Variants in IL31RA observed in about 807,000 individuals in gnomAD.
IL31RA encodes interleukin 31 receptor A, also known as interleukin-31 receptor subunit alpha.
Under a neutral mutation model 83.7 loss-of-function variants are expected in IL31RA, and 66 were observed. That is an observed-to-expected ratio of 0.79 (90% CI 0.65 to 0.97). IL31RA has a LOEUF of 0.97. Among genes scored for constraint, IL31RA ranks in the 50% least tolerant of loss-of-function variants. The probability of loss-of-function intolerance (pLI) is 0.00; values close to 1 mark genes in which losing one functional copy is unlikely to be tolerated. For missense variants in IL31RA, 798 were observed against 919.4 expected, an observed-to-expected ratio of 0.87 and a Z score of 1.71; for synonymous variants, 325 against 329.0, an observed-to-expected ratio of 0.99 and a Z score of 0.13.
chr5:55,853,361 A>G, intron 1 of IL31RA: 1 of 1,318,284 alleles, frequency 7.6e-7, no homozygotes, highest in Non-Finnish European at 9.7e-7. Context: ...TAAGTGGGTA[A>G]GTGCCACTTT....
chr5:55,859,636 T>A, intron 2 of IL31RA, 37 bp downstream of exon 2: 1 of 1,336,460 alleles, frequency 7.5e-7, no homozygotes, highest in Non-Finnish European at 1.1e-6. Context: ...ATCATGTGAT[T>A]ATTATTGCCT....
At chr5:55,887,716 C>G (rs1747716271) in intron 5 of IL31RA, among the ~76,000 whole-genome samples, 1 of 152,084 alleles carries the variant, frequency 6.6e-6, no homozygotes, top group African/African-American at 2.4e-5. Flanking sequence ...GAAACCCCGT[C>G]CCTCTAAAAA....
intron 7 of IL31RA, among the ~76,000 whole-genome samples, chr5:55,898,862 A>G (rs532609060): frequency 6.6e-6 from 1 of 152,168 alleles, no homozygotes; most frequent in African/African-American, 2.4e-5. Context: ...TGTCTCTACT[A>G]AAAATACAAA....
In IL31RA at chr5:55,851,404, C is replaced by T; in HGVS notation, c.-167C>T. The T allele has an allele frequency of 8.3e-7, 1 of 1,201,898 alleles. No homozygotes were observed. Among genetic ancestry groups the T allele is most frequent in the Non-Finnish European group, 1.2e-6 (1 of 845,298 alleles). The allele number at this position is 1,201,898 out of a possible 1,614,324, so 74.5% of individuals were successfully genotyped here. On this transcript the variant is annotated 5_prime_UTR_variant, in exon 1 of 15. Transcript: ENST00000652347. The stretch of plus-strand genomic sequence containing the variant: ...CACCAGACAGCACTCCAGCACTCTG[C>T]TTGGGGGGCATTCGAAACAGCAAAA...
rs1750142781 is a variant in IL31RA, at chr5:55,922,547, G to A, written c.*5427G>A. 2.3e-6 allele frequency: 2 copies of A among 856,170 alleles called. No homozygotes were observed. Among genetic ancestry groups the A allele is most frequent in the Admixed American group, 4.6e-5 (2 of 43,772 alleles). 53.0% of individuals were successfully genotyped at this position (856,170 alleles called of 1,614,324 possible). On this transcript the variant is annotated 3_prime_UTR_variant, in exon 15 of 15. Transcript: ENST00000652347. Reference sequence around the variant, plus strand: ...TGGCCCCAAGAGAACCATCTCTGAAGACTGGGTATGTGGTCTTTTCCACAC... The same window carrying A: ...TGGCCCCAAGAGAACCATCTCTGAAAACTGGGTATGTGGTCTTTTCCACAC...
chr5:55,862,658 T>G (rs1467277208), intron 2 of IL31RA, among the ~76,000 whole-genome samples: 1 of 152,194 alleles, frequency 6.6e-6, no homozygotes, highest in Admixed American at 6.5e-5. Context: ...CCGCCCATCT[T>G]GGCCTCCCAA....
chr5:55,900,252 C>A (rs1176734243), intron 8 of IL31RA, 120 bp downstream of exon 8: 6 of 769,458 alleles, frequency 7.8e-6, no homozygotes, highest in East Asian at 7.5e-5. Context: ...GAGTGGGAAC[C>A]TTTTAGGTTG....
In IL31RA at chr5:55,851,595, T is replaced by C; in HGVS notation, c.25T>C (p.Phe9Leu). Reference sequence around the variant, plus strand: ...AATGTGCATCAGGCAACTCAAGTTTTTCACCACGGCATGTGTCTGTGAATG... The same window carrying C: ...AATGTGCATCAGGCAACTCAAGTTTCTCACCACGGCATGTGTCTGTGAATG... MCIRQLKFFTTACVCECPQ... is the reference protein window; with the variant it reads MCIRQLKFLTTACVCECPQ... The change falls in exon 1 of 15, where the codon TTC (phenylalanine) becomes CTC (leucine). Residue 9 changes from phenylalanine to leucine, a missense_variant. Phe to Leu is a conservative substitution (Grantham distance 22, BLOSUM62 0). Coordinates refer to ENST00000652347, the MANE Select transcript of IL31RA (RefSeq NM_139017.7). 1 of 1,613,982 alleles carries C rather than the reference T, an allele frequency of 6.2e-7. No individual in the cohort carries two copies. Among genetic ancestry groups the C allele is most frequent in the South Asian group, 1.1e-5 (1 of 91,078 alleles).
chr5:55,902,381 T>G (rs1748876241), intron 8 of IL31RA: 1 of 151,262 alleles, frequency 6.6e-6, no homozygotes, highest in Non-Finnish European at 1.5e-5. Context: ...ATCCCAGCAC[T>G]TTGAGGCCAA....
upstream of IL31RA, among the ~76,000 whole-genome samples, chr5:55,847,808 T>C (rs1273985802): frequency 6.6e-6 from 1 of 152,246 alleles, no homozygotes; most frequent in Non-Finnish European, 1.5e-5. Context: ...CCATATTACA[T>C]TGAGTCATCA....
intron 2 of IL31RA, among the ~76,000 whole-genome samples, chr5:55,867,585 A>C (rs1746268158): frequency 6.6e-6 from 1 of 152,174 alleles, no homozygotes; most frequent in African/African-American, 2.4e-5. Flanking sequence ...TAGGTCTAAT[A>C]TTAATAATTA....
At chr5:55,847,244 A>AAATAAAT (rs1554083151), upstream of IL31RA, among the ~76,000 whole-genome samples, 4 of 61,158 alleles carry the variant, frequency 6.5e-5, no homozygotes, top group African/African-American at 2.4e-4. Flanking sequence ...AAAAAAAATA[A>AAATAAAT]AAATAAATAA....
chr5:55,863,187 A>C (rs1405050583), intron 2 of IL31RA, among the ~76,000 whole-genome samples: 2 of 152,192 alleles, frequency 1.3e-5, no homozygotes, highest in Non-Finnish European at 2.9e-5. Flanking sequence ...TCAACCCCCT[A>C]ATCTGTGATA....
At chr5:55,897,376 G>A (rs1748469387) in intron 7 of IL31RA, among the ~76,000 whole-genome samples, 1 of 151,884 alleles carries the variant, frequency 6.6e-6, no homozygotes, top group Non-Finnish European at 1.5e-5. Context: ...TAACATTCGG[G>A]GTGGGTAGAA....
chr5:55,848,633 A>G (rs899368623), upstream of IL31RA, among the ~76,000 whole-genome samples: 1 of 152,184 alleles, frequency 6.6e-6, no homozygotes, highest in African/African-American at 2.4e-5. Flanking sequence ...ACCATCCTTG[A>G]TGTTATATCT....
At chr5:55,900,210 G>A in intron 8 of IL31RA, 78 bp downstream of exon 8, 1 of 1,044,744 alleles carries the variant, frequency 9.6e-7, no homozygotes, top group Non-Finnish European at 1.5e-6. Context: ...GCTCTCAAGG[G>A]TGGCTGTTTC....
chr5:55,921,704 A>G lies in IL31RA; in HGVS notation c.*4584A>G, dbSNP rs934922314. On this transcript the variant is annotated 3_prime_UTR_variant, in exon 15 of 15. Transcript: ENST00000652347. ...TATCGGGAATAGTTAATGAAACTTT[A>G]TAGTTATTTGTGTTGCTTTAATCCT... Among the ~76,000 whole-genome samples, 2 of 152,130 alleles carry G rather than the reference A, an allele frequency of 1.3e-5. No homozygotes were observed. The highest frequency in any genetic ancestry group is 2.9e-5 in the Non-Finnish European group (2 of 68,012).
chr5:55,881,919 G>C (rs913516983), intron 4 of IL31RA, among the ~76,000 whole-genome samples: 1 of 151,682 alleles, frequency 6.6e-6, no homozygotes, highest in Non-Finnish European at 1.5e-5. Flanking sequence ...CACTATGTTG[G>C]CCAGGCTGGT....
intron 6 of IL31RA, among the ~76,000 whole-genome samples, chr5:55,893,817 T>C (rs550284581): frequency 6.6e-6 from 1 of 151,042 alleles, no homozygotes; most frequent in East Asian, 1.9e-4. Context: ...TAATTTTTTT[T>C]TTTTTTTTTT....
Sources: gnomAD v4.1 joint callset for allele counts (sites outside exome capture counted in the v4.1 genomes callset) on GRCh38, gnomAD v4.1.1 for gene constraint, MANE v1.5 for transcripts, NCBI Gene and HGNC (gene_info 2026-07-23, HGNC 2026-07-21) for gene names.